GRIK2: variants seen among roughly 807,000 people sequenced by gnomAD.
GRIK2 encodes the protein glutamate ionotropic receptor kainate type subunit 2.
In GRIK2, 32 loss-of-function variants were observed where a neutral mutation model predicts 100.3. The observed-to-expected ratio is 0.32, with a 90% CI of 0.24 to 0.43. The LOEUF is 0.43. GRIK2 is among the 20% of genes least tolerant of loss of function. The pLI is 1.00. For synonymous variants in GRIK2, 417 were observed against 389.4 expected, an observed-to-expected ratio of 1.07 and a Z score of -0.83; for missense variants, 843 against 1,114.9, an observed-to-expected ratio of 0.76 and a Z score of 3.47.
intron 11 of GRIK2, among the ~76,000 whole-genome samples, chr6:101,875,061 CT>C (rs1442864808): frequency 3.3e-5 from 5 of 152,068 alleles, no homozygotes; most frequent in African/African-American, 9.7e-5. Flanking sequence ...ATTTGATTTC[CT>C]TTTTTCCTAA....
intron 2 of GRIK2, among the ~76,000 whole-genome samples, chr6:101,546,054 T>C (rs1321720938): frequency 6.6e-6 from 1 of 152,132 alleles, no homozygotes; most frequent in East Asian, 1.9e-4. Flanking sequence ...CTACCTTACT[T>C]ACTTAAATGT....
chr6:101,636,662 A>T (rs1175847812), intron 4 of GRIK2, among the ~76,000 whole-genome samples: 1 of 152,036 alleles, frequency 6.6e-6, no homozygotes, highest in African/African-American at 2.4e-5. Flanking sequence ...CACACAATTC[A>T]TGTTTCTGTA....
chr6:101,398,182 CA>C (rs1049377847), intron 1 of GRIK2, among the ~76,000 whole-genome samples: 4 of 152,046 alleles, frequency 2.6e-5, no homozygotes, highest in Admixed American at 2.6e-4. Flanking sequence ...AAAGAATGTT[CA>C]AAAAACCAAA....
At chr6:101,518,333 C>G (rs949133079) in intron 2 of GRIK2, among the ~76,000 whole-genome samples, 1 of 152,086 alleles carries the variant, frequency 6.6e-6, no homozygotes, top group East Asian at 1.9e-4. Flanking sequence ...AAATGGCTGA[C>G]TTTCTTATGT....
intron 14 of GRIK2, among the ~76,000 whole-genome samples, chr6:101,999,744 T>C (rs1314156153): frequency 2.0e-5 from 3 of 152,102 alleles, no homozygotes; most frequent in Non-Finnish European, 2.9e-5. Flanking sequence ...TGTATTTTCC[T>C]TTTTTCCTAT....
At chr6:101,941,533 G>T (rs1009877293) in intron 14 of GRIK2, among the ~76,000 whole-genome samples, 1 of 151,726 alleles carries the variant, frequency 6.6e-6, no homozygotes, top group Admixed American at 6.6e-5. Context: ...AAACAAGGAA[G>T]TTAACCAAAG....
At chr6:101,551,620 G>A (rs771560916) in intron 2 of GRIK2, among the ~76,000 whole-genome samples, 12 of 152,040 alleles carry the variant, frequency 7.9e-5, no homozygotes, top group African/African-American at 2.7e-4. Context: ...CATGTGTCCC[G>A]CACTGTTCTG....
chr6:101,759,849 TA>T (rs1473309621), intron 7 of GRIK2, among the ~76,000 whole-genome samples: 8 of 139,890 alleles, frequency 5.7e-5, no homozygotes, highest in African/African-American at 8.7e-5. Flanking sequence ...TGCAGCATTT[TA>T]TTTTTTTTAT....
chr6:101,746,534 C>T (rs1278166482), intron 7 of GRIK2, among the ~76,000 whole-genome samples: 3 of 152,016 alleles, frequency 2.0e-5, no homozygotes, highest in Non-Finnish European at 2.9e-5. Flanking sequence ...ACCATGTTGG[C>T]CAGGCTGGTC....
intron 14 of GRIK2, among the ~76,000 whole-genome samples, chr6:102,030,388 T>C (rs911353877): frequency 6.6e-6 from 1 of 151,274 alleles, no homozygotes; most frequent in African/African-American, 2.4e-5. Context: ...TCTGCTCATC[T>C]TCAGGGTTGT....
At chr6:101,495,977 ACT>A (rs1773421727) in intron 2 of GRIK2, among the ~76,000 whole-genome samples, 1 of 151,952 alleles carries the variant, frequency 6.6e-6, no homozygotes, top group Non-Finnish European at 1.5e-5. Flanking sequence ...ATGGAGTCTC[ACT>A]CTGTCGCCCA....
chr6:101,744,548 A>ATC (rs1776289262), intron 7 of GRIK2: 8 of 107,750 alleles, frequency 7.4e-5, no homozygotes, highest in African/African-American at 2.9e-4. Flanking sequence ...ATATATATAT[A>ATC]TATATATATA....
At chr6:101,807,255 G>C (rs540113086) in intron 9 of GRIK2, among the ~76,000 whole-genome samples, 1 of 152,038 alleles carries the variant, frequency 6.6e-6, no homozygotes, top group South Asian at 2.1e-4. Context: ...AAGGATTTTA[G>C]ATTGCAGAAG....
chr6:101,654,529 T>C (rs2128330156), intron 4 of GRIK2, among the ~76,000 whole-genome samples: 1 of 152,296 alleles, frequency 6.6e-6, no homozygotes, highest in South Asian at 2.1e-4. Context: ...TATTTGACTC[T>C]TTTCTCCCTA....
chr6:101,556,230 T>C lies in GRIK2; in HGVS notation c.116-65719T>C, dbSNP rs1000955911. 4.6e-5 allele frequency among the ~76,000 whole-genome samples: 7 copies of C among 151,360 alleles called. No homozygotes were observed. In the South Asian group the frequency reaches 6.2e-4, roughly 13 times the overall value. On this transcript the variant is annotated intron_variant, in intron 2 of 16. Transcript: ENST00000369134. ...AACATGTAATCTTATTGAGTTTTCG[T>C]AGGGTTATTAGCAGATTTCACTAAT...
intron 7 of GRIK2, among the ~76,000 whole-genome samples, chr6:101,744,166 T>A (rs1214344720): frequency 2.6e-5 from 4 of 151,812 alleles, no homozygotes; most frequent in African/African-American, 9.7e-5. Flanking sequence ...ATGTTCTCGA[T>A]CTCCTGACCT....
intron 2 of GRIK2, among the ~76,000 whole-genome samples, chr6:101,583,545 AG>A (rs2128303838): frequency 6.6e-6 from 1 of 152,228 alleles, no homozygotes; most frequent in East Asian, 1.9e-4. Context: ...TCTAGTCCTT[AG>A]CTTCCTCAAC....
intron 2 of GRIK2, among the ~76,000 whole-genome samples, chr6:101,503,239 C>G (rs1773856823): frequency 6.6e-6 from 1 of 152,006 alleles, no homozygotes; most frequent in African/African-American, 2.4e-5. Context: ...ACTTACTGAT[C>G]TTGCTGATAA....
intron 11 of GRIK2, among the ~76,000 whole-genome samples, chr6:101,863,835 C>T (rs767782974): frequency 6.6e-6 from 1 of 152,218 alleles, no homozygotes; most frequent in Non-Finnish European, 1.5e-5. Context: ...ATACTCACTT[C>T]ATTGAATGAA....
Sources: gnomAD v4.1 joint callset for allele counts (sites outside exome capture counted in the v4.1 genomes callset) on GRCh38, gnomAD v4.1.1 for gene constraint, MANE v1.5 for transcripts, NCBI Gene and HGNC (gene_info 2026-07-23, HGNC 2026-07-21) for gene names.